Variants in SNTG2 observed in about 807,000 individuals in gnomAD.
SNTG2 encodes syntrophin gamma 2.
A neutral mutation model predicts 70.9 loss-of-function variants in SNTG2; 74 were observed. The ratio of observed to expected loss-of-function variants is 1.04; its 90% CI spans 0.86 to 1.27. The LOEUF (loss-of-function observed/expected upper bound fraction) is 1.27, where lower values mean the gene tolerates loss of function less well. SNTG2 is among the 50% of genes most tolerant of loss of function. The pLI is 0.00. For missense variants in SNTG2, 717 were observed against 690.7 expected (o/e 1.04, Z -0.43); for synonymous variants, 278 against 273.8 (o/e 1.02, Z -0.15).
chr2:1,140,914 C>T (rs1668708433), intron 6 of SNTG2, among the ~76,000 whole-genome samples: 1 of 152,188 alleles, frequency 6.6e-6, no homozygotes, highest in South Asian at 2.1e-4. Flanking sequence ...TTTTAAAAAA[C>T]ACGTTTCAGT....
chr2:1,000,068 A>C (rs965870987), intron 1 of SNTG2, among the ~76,000 whole-genome samples: 2 of 151,928 alleles, frequency 1.3e-5, no homozygotes, highest in Non-Finnish European at 2.9e-5. Context: ...GAAAATTTTT[A>C]AATTTTCTTT....
At chr2:1,331,307 C>G (rs1340631805) in intron 16 of SNTG2, among the ~76,000 whole-genome samples, 1 of 152,208 alleles carries the variant, frequency 6.6e-6, no homozygotes, top group Non-Finnish European at 1.5e-5. Context: ...CACTAGAAAG[C>G]AGCTGCAATT....
chr2:1,017,037 C>G (rs578180335), intron 1 of SNTG2, among the ~76,000 whole-genome samples: 47 of 152,278 alleles, frequency 3.1e-4, no homozygotes, highest in Middle Eastern at 3.4e-3. Context: ...TCTTTCTTAT[C>G]TCTAGGCTAG....
chr2:1,364,383 G>C (rs921244392), intron 16 of SNTG2, among the ~76,000 whole-genome samples: 1 of 152,080 alleles, frequency 6.6e-6, no homozygotes, highest in Non-Finnish European at 1.5e-5. Flanking sequence ...GTAGCTGTTT[G>C]GCTTCTTATT....
At chr2:1,254,696 C>T (rs1456240895) in intron 12 of SNTG2, among the ~76,000 whole-genome samples, 11 of 152,160 alleles carry the variant, frequency 7.2e-5, no homozygotes, top group Non-Finnish European at 1.3e-4. Context: ...TCTACAATTT[C>T]GGCTCCATTT....
At chr2:1,294,679 A>G (rs1202050160) in intron 14 of SNTG2, among the ~76,000 whole-genome samples, 1 of 152,252 alleles carries the variant, frequency 6.6e-6, no homozygotes, top group Non-Finnish European at 1.5e-5. Context: ...AACCACATGG[A>G]CACAAGCACT....
chr2:1,285,339 T>C (rs1328977400), intron 14 of SNTG2, among the ~76,000 whole-genome samples: 1 of 152,162 alleles, frequency 6.6e-6, no homozygotes, highest in Non-Finnish European at 1.5e-5. Context: ...TCCAATCAAG[T>C]TGACACTCAG....
intron 9 of SNTG2, among the ~76,000 whole-genome samples, chr2:1,235,233 A>AG (rs1398846136): frequency 2.3e-5 from 3 of 130,882 alleles, no homozygotes; most frequent in Admixed American, 1.5e-4. Context: ...GATTCATGAG[A>AG]GGGGGCGCCC....
intron 1 of SNTG2, among the ~76,000 whole-genome samples, chr2:1,001,194 C>A (rs1659382959): frequency 6.6e-6 from 1 of 151,912 alleles, no homozygotes; most frequent in Non-Finnish European, 1.5e-5. Flanking sequence ...AAACATGCTC[C>A]TAAGAGCTGG....
At chr2:1,128,530 G>A (rs1377060784) in intron 4 of SNTG2, among the ~76,000 whole-genome samples, 1 of 152,048 alleles carries the variant, frequency 6.6e-6, no homozygotes, top group African/African-American at 2.4e-5. Flanking sequence ...TTTCGTTTAA[G>A]TGATGCCTCC....
At chr2:1,266,751 C>CTTTTTTTTTTTTTTTTTTTT (rs59679083) in intron 13 of SNTG2, among the ~76,000 whole-genome samples, 2 of 107,752 alleles carry the variant, frequency 1.9e-5, no homozygotes, top group Non-Finnish European at 3.5e-5. Context: ...TCATCTTTAT[C>CTTTTTTTTTTTTTTTTTTTT]TTTTTTTTTT....
At chr2:1,170,704 G>A (rs575230600) in intron 7 of SNTG2, among the ~76,000 whole-genome samples, 5 of 152,224 alleles carry the variant, frequency 3.3e-5, no homozygotes, top group South Asian at 4.2e-4. Flanking sequence ...CTGTGTATAC[G>A]GACCCATGTA....
intron 4 of SNTG2, among the ~76,000 whole-genome samples, chr2:1,115,893 C>T (rs1159279751): frequency 6.6e-6 from 1 of 152,220 alleles, no homozygotes; most frequent in Non-Finnish European, 1.5e-5. Context: ...GAATTCAGGT[C>T]AATGTTCAAG....
At chr2:1,007,897 G>C (rs940860369) in intron 1 of SNTG2, among the ~76,000 whole-genome samples, 32 of 152,204 alleles carry the variant, frequency 2.1e-4, no homozygotes, top group African/African-American at 7.7e-4. Context: ...TGGGATTACA[G>C]ATGACTGCCA....
intron 16 of SNTG2, among the ~76,000 whole-genome samples, chr2:1,355,719 A>G (rs1445931259): frequency 6.6e-6 from 1 of 152,130 alleles, no homozygotes; most frequent in Non-Finnish European, 1.5e-5. Flanking sequence ...GGGATTGCTA[A>G]GTCATCTCGT....
At chr2:1,050,335 T>G (rs1461987555) in intron 1 of SNTG2, among the ~76,000 whole-genome samples, 1 of 152,208 alleles carries the variant, frequency 6.6e-6, no homozygotes, top group Non-Finnish European at 1.5e-5. Flanking sequence ...CTTTTAAATT[T>G]AGATCAAAAT....
At chr2:1,281,236 GTGGTGTGTGGTGTGTGTGTGGTGGTA>G (rs1679505513) in intron 14 of SNTG2, among the ~76,000 whole-genome samples, 1 of 17,936 alleles carries the variant, frequency 5.6e-5, no homozygotes, top group Non-Finnish European at 1.0e-4. Flanking sequence ...TTTATGTGGT[GTGGTGTGTGGTGTGTGTGTGGTGGTA>G]TGTGTGTGCT....
At chr2:1,106,648 A>T (rs868381062) in intron 4 of SNTG2, among the ~76,000 whole-genome samples, 2 of 97,486 alleles carry the variant, frequency 2.1e-5, no homozygotes, top group African/African-American at 4.4e-5. Context: ...TAGTGGACAC[A>T]CGCTGTCACT....
intron 1 of SNTG2, among the ~76,000 whole-genome samples, chr2:1,019,426 G>C (rs1330622711): frequency 6.6e-6 from 1 of 152,166 alleles, no homozygotes; most frequent in Non-Finnish European, 1.5e-5. Context: ...AGATGGCTTT[G>C]TGAATCTGAG....
Sources: gnomAD v4.1 joint callset for allele counts (sites outside exome capture counted in the v4.1 genomes callset) on GRCh38, gnomAD v4.1.1 for gene constraint, MANE v1.5 for transcripts, NCBI Gene and HGNC (gene_info 2026-07-23, HGNC 2026-07-21) for gene names.